The following AAK1 variants were observed in gnomAD, a reference collection of about 807,000 sequenced individuals.
The protein encoded by AAK1 is AP2 associated kinase 1.
AAK1 carries 37 observed loss-of-function variants against 116.0 expected under a neutral mutation model. The ratio of observed to expected loss-of-function variants is 0.32; its 90% CI spans 0.25 to 0.42. The LOEUF is 0.42. Ranked by LOEUF, AAK1 falls within the 10% of genes least tolerant of loss-of-function variation. AAK1 has a pLI of 1.00. For synonymous variants in AAK1, 458 were observed against 439.9 expected (o/e 1.04, Z -0.51); for missense variants, 919 against 1,170.6 (o/e 0.79, Z 3.14).
At chr2:69,497,460 C>T (rs1263561240) in intron 16 of AAK1, among the ~76,000 whole-genome samples, 1 of 151,864 alleles carries the variant, frequency 6.6e-6, no homozygotes, top group Non-Finnish European at 1.5e-5. Context: ...TACCACCACA[C>T]CTGGCTAATT....
intron 2 of AAK1, among the ~76,000 whole-genome samples, chr2:69,626,118 A>G (rs1163983809): frequency 6.6e-6 from 1 of 151,820 alleles, no homozygotes; most frequent in Non-Finnish European, 1.5e-5. Flanking sequence ...ATGACCTCCC[A>G]TCCCTTCTTT....
chr2:69,641,378 A>T (rs1675716771), intron 2 of AAK1, among the ~76,000 whole-genome samples: 1 of 152,168 alleles, frequency 6.6e-6, no homozygotes, highest in Admixed American at 6.6e-5. Context: ...AAAGAGACAG[A>T]TCAGACTCAA....
At position 69,460,086 on chromosome 2, in the gene AAK1, A is replaced by G. The variant is rs1311209131; in HGVS notation, c.*15783T>C. 6.6e-6 allele frequency: 1 copy of G among 152,042 alleles called. No homozygotes were observed. Among genetic ancestry groups the G allele is most frequent in the Non-Finnish European group, 1.5e-5 (1 of 67,970 alleles). The allele number at this position is 152,042 out of a possible 1,614,324, so 9.4% of individuals were successfully genotyped here. On this transcript the variant is annotated 3_prime_UTR_variant, in exon 22 of 22. Coordinates refer to ENST00000409085, the MANE Select transcript of AAK1 (RefSeq NM_014911.5). ...AGTCTTTTCTGCAGCTCTCTTATGT[A>G]CCTCTCATCAAAATAATTTCAGTCC...
intron 2 of AAK1, among the ~76,000 whole-genome samples, chr2:69,642,164 G>C (rs962892818): frequency 1.3e-5 from 2 of 151,656 alleles, no homozygotes; most frequent in African/African-American, 4.8e-5. Flanking sequence ...CTCTGATAGC[G>C]AAAAAACAAA....
chr2:69,472,041 C>G lies in AAK1; in HGVS notation c.*3828G>C. 1.0e-6 allele frequency: 1 copy of G among 985,316 alleles called. No individual in the cohort carries two copies. Among genetic ancestry groups the G allele is most frequent in the Non-Finnish European group, 1.2e-6 (1 of 829,864 alleles). 61.0% of individuals were successfully genotyped at this position (985,316 alleles called of 1,614,324 possible). A position where few individuals can be genotyped will look rare whatever the true frequency, so the allele number is the denominator to read the frequency against. On this transcript the variant is annotated 3_prime_UTR_variant, in exon 22 of 22. Coordinates refer to ENST00000409085, the MANE Select transcript of AAK1 (RefSeq NM_014911.5). ...CAAATAACACTGAACAAAGTGACAA[C>G]TTCTTTCAGAGGTGTTTTAATACCC...
At chr2:69,511,634 G>T (rs1385002729) in intron 13 of AAK1, among the ~76,000 whole-genome samples, 1 of 152,178 alleles carries the variant, frequency 6.6e-6, no homozygotes, top group Non-Finnish European at 1.5e-5. Context: ...AAACTGTTGG[G>T]TCCCTTTATT....
chr2:69,600,138 T>C (rs1430183489), intron 2 of AAK1, among the ~76,000 whole-genome samples: 1 of 151,944 alleles, frequency 6.6e-6, no homozygotes, highest in African/African-American at 2.4e-5. Flanking sequence ...TTAGGAATAA[T>C]ATAGAATGCC....
chr2:69,589,101 G>C (rs1193619991), intron 2 of AAK1, among the ~76,000 whole-genome samples: 1 of 152,214 alleles, frequency 6.6e-6, no homozygotes, highest in African/African-American at 2.4e-5. Flanking sequence ...CAAAGTTCAG[G>C]TGAGAAACCA....
rs1413298822 is a variant in AAK1, at chr2:69,595,106, T to TTTCTG, written c.164-38129_164-38128insCAGAA. On this transcript the variant is annotated intron_variant, in intron 2 of 21. Transcript: ENST00000409085. ...TGGAAAAAGCTAGGATTTTGTTTCT[T>TTTCTG]TTTTGTTTTGTTTTGTTTGTTTTTG... 9 of 624,034 alleles carry TTTCTG rather than the reference T, an allele frequency of 1.4e-5. No individual in the cohort carries two copies. In the East Asian group the frequency reaches 2.0e-4, roughly 14 times the overall value. 38.7% of individuals were successfully genotyped at this position (624,034 alleles called of 1,614,324 possible).
At chr2:69,478,803 G>A (rs1336798302) in intron 20 of AAK1, 148 bp downstream of exon 20, 4 of 645,786 alleles carry the variant, frequency 6.2e-6, no homozygotes, top group African/African-American at 1.8e-5. Flanking sequence ...TTATAACACA[G>A]TATCTAGGAG....
At chr2:69,498,286 G>C (rs1675830585) in intron 16 of AAK1, among the ~76,000 whole-genome samples, 1 of 152,130 alleles carries the variant, frequency 6.6e-6, no homozygotes, top group Admixed American at 6.5e-5. Flanking sequence ...GAGCATGTGT[G>C]GGCATCACTG....
chr2:69,469,862 A>C lies in AAK1; in HGVS notation c.*6007T>G, dbSNP rs1674617895. On this transcript the variant is annotated 3_prime_UTR_variant, in exon 22 of 22. Transcript: ENST00000409085. ...TGACACTTTCAATATGGGTAACTCC[A>C]TATTAGTCTATTTTGAGGCTCCAAA... The C allele has an allele frequency of 4.1e-6, 4 of 985,328 alleles. No individual in the cohort carries two copies. The highest frequency in any genetic ancestry group is 1.7e-5 in the African/African-American group (1 of 57,238). The allele number at this position is 985,328 out of a possible 1,614,324, so 61.0% of individuals were successfully genotyped here.
chr2:69,594,640 G>T, intron 2 of AAK1: 1 of 532,348 alleles, frequency 1.9e-6, no homozygotes, highest in Non-Finnish European at 3.4e-6. Context: ...CAAACAGTTA[G>T]CCAGGTTGTG....
chr2:69,569,575 C>T (rs981930991), intron 2 of AAK1, among the ~76,000 whole-genome samples: 1 of 152,074 alleles, frequency 6.6e-6, no homozygotes, highest in African/African-American at 2.4e-5. Context: ...ACTCAGGTAA[C>T]CCAAACCCCC....
At chr2:69,553,822 T>A (rs1671284287) in intron 3 of AAK1, among the ~76,000 whole-genome samples, 1 of 149,678 alleles carries the variant, frequency 6.7e-6, no homozygotes, top group South Asian at 2.2e-4. Flanking sequence ...ATGCCTGTAA[T>A]CCCAGCACTT....
chr2:69,511,292 C>T (rs2104973692), intron 13 of AAK1, among the ~76,000 whole-genome samples: 1 of 152,308 alleles, frequency 6.6e-6, no homozygotes, highest in African/African-American at 2.4e-5. Flanking sequence ...ATATTGACTG[C>T]CCTCATCTTG....
intron 2 of AAK1, among the ~76,000 whole-genome samples, chr2:69,614,297 G>C (rs776135221): frequency 5.9e-5 from 9 of 152,196 alleles, no homozygotes; most frequent in Non-Finnish European, 1.3e-4. Flanking sequence ...AGGAGAAAGG[G>C]AAGAGGAAAG....
chr2:69,607,280 C>T (rs573677726), intron 2 of AAK1, among the ~76,000 whole-genome samples: 18 of 151,878 alleles, frequency 1.2e-4, no homozygotes, highest in South Asian at 4.2e-4. Context: ...GAGGGAAGGA[C>T]GGGCAGGAGC....
chr2:69,564,661 C>T (rs887339511), intron 2 of AAK1, among the ~76,000 whole-genome samples: 5 of 152,180 alleles, frequency 3.3e-5, no homozygotes, highest in Non-Finnish European at 5.9e-5. Context: ...AGGTTAAGTT[C>T]GAATCCTGGC....
Sources: allele counts gnomAD v4.1 joint callset (sites outside exome capture counted in the v4.1 genomes callset), GRCh38; gene constraint gnomAD v4.1.1; transcripts MANE v1.5; gene names NCBI Gene and HGNC (gene_info 2026-07-23, HGNC 2026-07-21).